The following FTO variants were observed in gnomAD, a reference collection of about 807,000 sequenced individuals.
The protein encoded by FTO is alpha-ketoglutarate-dependent dioxygenase FTO.
Under a neutral mutation model 63.9 loss-of-function variants are expected in FTO, and 47 were observed. The observed-to-expected ratio is 0.74, with a 90% CI of 0.58 to 0.94. FTO has a LOEUF of 0.94. Among genes scored for constraint, FTO ranks in the 40% least tolerant of loss-of-function variants. The pLI is 0.00. For synonymous variants in FTO, 207 were observed against 224.4 expected (o/e 0.92, Z 0.69); for missense variants, 562 against 618.1 (o/e 0.91, Z 0.96).
At chr16:53,766,898 G>A (rs1209431264) in intron 1 of FTO, among the ~76,000 whole-genome samples, 4 of 152,076 alleles carry the variant, frequency 2.6e-5, no homozygotes, top group African/African-American at 9.7e-5. Context: ...GTTCCTTCCA[G>A]GCAAAAGCAG....
intron 8 of FTO, among the ~76,000 whole-genome samples, chr16:54,063,213 T>C (rs2085629232): frequency 6.6e-6 from 1 of 152,200 alleles, no homozygotes; most frequent in Admixed American, 6.5e-5. Flanking sequence ...CATCTGCAAA[T>C]CAAATGAATC....
At chr16:53,899,109 T>C (rs2081342546) in intron 7 of FTO, among the ~76,000 whole-genome samples, 1 of 152,222 alleles carries the variant, frequency 6.6e-6, no homozygotes, top group Non-Finnish European at 1.5e-5. Context: ...CGTCTTTAAC[T>C]TCTTTTTAAA....
chr16:53,763,317 T>C (rs1378643070), intron 1 of FTO, among the ~76,000 whole-genome samples: 1 of 152,200 alleles, frequency 6.6e-6, no homozygotes, highest in Non-Finnish European at 1.5e-5. Flanking sequence ...AAAGTAATTA[T>C]TGTTGATGAT....
intron 7 of FTO, chr16:53,911,108 A>G (rs1202179671): frequency 7.3e-6 from 3 of 409,708 alleles, no homozygotes; most frequent in African/African-American, 2.0e-5. Flanking sequence ...AGTTTGATTT[A>G]TGTCTGCAGT....
chr16:53,717,026 T>G (rs2075910550), intron 1 of FTO, among the ~76,000 whole-genome samples: 2 of 151,834 alleles, frequency 1.3e-5, no homozygotes, highest in Admixed American at 1.3e-4. Flanking sequence ...TATATTATAT[T>G]TTTTTCATAT....
intron 6 of FTO, 49 bp from the exon 7 acceptor site, chr16:53,888,783 G>T (rs1378384941): frequency 6.2e-7 from 1 of 1,607,000 alleles, no homozygotes; most frequent in East Asian, 2.2e-5. Flanking sequence ...GTCCTCGCTT[G>T]TCTATCACAA....
At chr16:54,057,646 T>C (rs1477655423) in intron 8 of FTO, among the ~76,000 whole-genome samples, 1 of 151,772 alleles carries the variant, frequency 6.6e-6, no homozygotes, top group Non-Finnish European at 1.5e-5. Context: ...TTTTTTTCTG[T>C]ATTTTTGGTA....
At chr16:53,958,201 T>C (rs934869684) in intron 8 of FTO, among the ~76,000 whole-genome samples, 7 of 152,206 alleles carry the variant, frequency 4.6e-5, no homozygotes, top group African/African-American at 1.7e-4. Flanking sequence ...AAGAGATCAG[T>C]GAATCGGCCC....
chr16:53,836,539 T>C (rs1010387281), intron 3 of FTO, among the ~76,000 whole-genome samples: 1 of 152,244 alleles, frequency 6.6e-6, no homozygotes, highest in Non-Finnish European at 1.5e-5. Flanking sequence ...GCTTGTACTA[T>C]TCAGTTACAT....
intron 4 of FTO, among the ~76,000 whole-genome samples, chr16:53,847,413 A>G (rs953798831): frequency 5.9e-5 from 9 of 152,214 alleles, no homozygotes; most frequent in African/African-American, 2.2e-4. Flanking sequence ...AAAGAAGTTA[A>G]TGATATTCTG....
At chr16:54,076,718 A>C (rs1192803015) in intron 8 of FTO, among the ~76,000 whole-genome samples, 1 of 152,188 alleles carries the variant, frequency 6.6e-6, no homozygotes, top group African/African-American at 2.4e-5. Flanking sequence ...ATATAATCAT[A>C]ATCTTAGTCT....
chr16:54,014,614 C>T (rs566328144), intron 8 of FTO, among the ~76,000 whole-genome samples: 2 of 152,026 alleles, frequency 1.3e-5, no homozygotes, highest in East Asian at 1.9e-4. Flanking sequence ...TCTAGGACAC[C>T]CCCCAAATGT....
intron 8 of FTO, among the ~76,000 whole-genome samples, chr16:53,936,946 T>C (rs1477486533): frequency 6.6e-6 from 1 of 152,238 alleles, no homozygotes; most frequent in Non-Finnish European, 1.5e-5. Flanking sequence ...TAGGGAGAAT[T>C]TTTAAAGTAA....
At chr16:53,804,026 A>G (rs2078292032) in intron 1 of FTO, among the ~76,000 whole-genome samples, 1 of 152,218 alleles carries the variant, frequency 6.6e-6, no homozygotes, top group African/African-American at 2.4e-5. Flanking sequence ...TGAGTAAATA[A>G]CAACAACGAA....
intron 2 of FTO, among the ~76,000 whole-genome samples, chr16:53,822,691 ATGTG>A (rs1206258464): frequency 6.6e-6 from 1 of 151,916 alleles, no homozygotes; most frequent in Non-Finnish European, 1.5e-5. Context: ...TTGTGTGTAT[ATGTG>A]TGTGTGTATA....
chr16:53,973,154 A>C (rs1433497276), intron 8 of FTO, among the ~76,000 whole-genome samples: 1 of 152,196 alleles, frequency 6.6e-6, no homozygotes, highest in Non-Finnish European at 1.5e-5. Flanking sequence ...GCCATAGACA[A>C]GAAGCAGGTG....
At chr16:53,777,596 A>T (rs1026728136) in intron 1 of FTO, among the ~76,000 whole-genome samples, 1 of 152,178 alleles carries the variant, frequency 6.6e-6, no homozygotes, top group African/African-American at 2.4e-5. Context: ...CATGTCACTG[A>T]GTTATACAGA....
chr16:54,100,354 TG>T (rs1181628599), intron 8 of FTO, among the ~76,000 whole-genome samples: 2 of 152,098 alleles, frequency 1.3e-5, no homozygotes, highest in Admixed American at 6.6e-5. Flanking sequence ...GTGGGGTTTT[TG>T]TTTGTTTGTT....
In FTO at chr16:53,835,891, A is replaced by ATTTT. The variant is rs201374598; in HGVS notation, c.752-8251_752-8248dup. 1.3e-4 allele frequency among the ~76,000 whole-genome samples: 17 copies of ATTTT among 134,096 alleles called. 1 individual carries two copies. Among genetic ancestry groups the ATTTT allele is most frequent in the African/African-American group, 3.4e-4 (12 of 35,558 alleles). 88.0% of individuals were successfully genotyped at this position (134,096 alleles called of 152,430 possible). A position where few individuals can be genotyped will look rare whatever the true frequency, so the allele number is the denominator to read the frequency against. ...TTATTAACTTCCAACCTGTCTATTG[A>ATTTT]TTTTTTTTTTTTTTTTGAGATGGAG... On this transcript the variant is annotated intron_variant, in intron 3 of 8. Transcript: ENST00000471389.
Sources: gnomAD v4.1 joint callset for allele counts (sites outside exome capture counted in the v4.1 genomes callset) on GRCh38, gnomAD v4.1.1 for gene constraint, MANE v1.5 for transcripts, NCBI Gene and HGNC (gene_info 2026-07-23, HGNC 2026-07-21) for gene names.